The following NRG1 variants were observed in gnomAD, a reference collection of about 807,000 sequenced individuals.
NRG1 encodes neuregulin 1.
In NRG1, 18 loss-of-function variants were observed where a neutral mutation model predicts 63.8. The ratio of observed to expected loss-of-function variants is 0.28; its 90% CI spans 0.19 to 0.42. NRG1 has a LOEUF of 0.42. Ranked by LOEUF, NRG1 falls within the 10% of genes least tolerant of loss-of-function variation. The pLI, the probability that NRG1 is intolerant of heterozygous loss-of-function variation, is 1.00. For missense variants in NRG1, 762 were observed against 814.7 expected, an observed-to-expected ratio of 0.94 and a Z score of 0.79; for synonymous variants, 302 against 301.3, an observed-to-expected ratio of 1.00 and a Z score of -0.02.
chr8:32,558,081 A>G (rs1045583309), intron 1 of NRG1, among the ~76,000 whole-genome samples: 3 of 152,228 alleles, frequency 2.0e-5, no homozygotes, highest in Non-Finnish European at 4.4e-5. Context: ...AAAAGAAGGC[A>G]GAAAAGACAA....
chr8:31,919,361 T>TA (rs570554700), intron 1 of NRG1, among the ~76,000 whole-genome samples: 110 of 150,674 alleles, frequency 7.3e-4, no homozygotes, highest in Middle Eastern at 3.4e-3. Context: ...CCAAATACAA[T>TA]AAAAAAAGCA....
At chr8:31,906,500 A>G (rs1832532925) in intron 1 of NRG1, among the ~76,000 whole-genome samples, 1 of 152,180 alleles carries the variant, frequency 6.6e-6, no homozygotes, top group Non-Finnish European at 1.5e-5. Flanking sequence ...GCAGCCTGCC[A>G]TCACCTCACC....
chr8:31,894,731 T>C (rs1412824905), intron 1 of NRG1, among the ~76,000 whole-genome samples: 2 of 152,036 alleles, frequency 1.3e-5, no homozygotes, highest in East Asian at 3.9e-4. Flanking sequence ...TTTGTATTTT[T>C]AGTAGAGACG....
chr8:32,406,241 T>C (rs1813958772), intron 1 of NRG1, among the ~76,000 whole-genome samples: 1 of 152,302 alleles, frequency 6.6e-6, no homozygotes, highest in Admixed American at 6.5e-5. Flanking sequence ...CATGGGATAA[T>C]TCATCTTGCA....
At chr8:31,879,024 A>T (rs1830143786) in intron 1 of NRG1, among the ~76,000 whole-genome samples, 1 of 152,168 alleles carries the variant, frequency 6.6e-6, no homozygotes, top group Non-Finnish European at 1.5e-5. Flanking sequence ...AAACAAACAA[A>T]AAAAGGAAGT....
intron 1 of NRG1, among the ~76,000 whole-genome samples, chr8:32,132,598 T>C (rs1279408409): frequency 6.6e-6 from 1 of 152,100 alleles, no homozygotes; most frequent in African/African-American, 2.4e-5. Flanking sequence ...CTAAGTCCTG[T>C]CTTGATTCTC....
chr8:31,681,012 G>A (rs1457174364), intron 1 of NRG1, among the ~76,000 whole-genome samples: 1 of 151,846 alleles, frequency 6.6e-6, no homozygotes, highest in African/African-American at 2.4e-5. Flanking sequence ...ACAGACTAGA[G>A]GACCCAGGAA....
At chr8:32,214,534 T>C (rs1280610017) in intron 1 of NRG1, among the ~76,000 whole-genome samples, 1 of 151,774 alleles carries the variant, frequency 6.6e-6, no homozygotes, top group Non-Finnish European at 1.5e-5. Flanking sequence ...TCCCAGATAC[T>C]TGGGAGGCTG....
chr8:31,808,014 G>C (rs1822466857), intron 1 of NRG1, among the ~76,000 whole-genome samples: 1 of 151,038 alleles, frequency 6.6e-6, no homozygotes, highest in Non-Finnish European at 1.5e-5. Context: ...TGAACATTTA[G>C]TTTTTTTCAC....
At chr8:32,084,440 G>A (rs1016217921) in intron 1 of NRG1, among the ~76,000 whole-genome samples, 23 of 152,096 alleles carry the variant, frequency 1.5e-4, no homozygotes, top group African/African-American at 4.8e-4. Flanking sequence ...GGGTTGGACC[G>A]TGAATATTAA....
chr8:31,891,683 G>A (rs927175942), intron 1 of NRG1, among the ~76,000 whole-genome samples: 5 of 152,206 alleles, frequency 3.3e-5, no homozygotes, highest in African/African-American at 4.8e-5. Context: ...AAACCTGTAC[G>A]CTAATGTTGA....
At chr8:32,164,708 A>G (rs913293157) in intron 1 of NRG1, among the ~76,000 whole-genome samples, 8 of 152,236 alleles carry the variant, frequency 5.3e-5, no homozygotes, top group Non-Finnish European at 1.0e-4. Flanking sequence ...TTTAGCAATT[A>G]AAAAAGCACT....
chr8:31,784,600 G>T (rs1278292994), intron 1 of NRG1, among the ~76,000 whole-genome samples: 3 of 152,138 alleles, frequency 2.0e-5, no homozygotes, highest in Non-Finnish European at 4.4e-5. Flanking sequence ...CGTAACAACA[G>T]ATACTAATAA....
chr8:32,528,034 T>C (rs1293286302), intron 1 of NRG1, among the ~76,000 whole-genome samples: 2 of 152,162 alleles, frequency 1.3e-5, no homozygotes, highest in African/African-American at 4.8e-5. Flanking sequence ...TGCTCCAGGA[T>C]GTTTATATTT....
At chr8:32,255,451 A>G (rs1849586125) in intron 1 of NRG1, among the ~76,000 whole-genome samples, 1 of 152,162 alleles carries the variant, frequency 6.6e-6, no homozygotes, top group African/African-American at 2.4e-5. Flanking sequence ...TCACTTATGA[A>G]GCTTAGTTTG....
At chr8:32,647,856 A>G (rs780307098) in intron 5 of NRG1, 2 of 1,613,932 alleles carry the variant, frequency 1.2e-6, no homozygotes, top group Non-Finnish European at 1.7e-6. Flanking sequence ...TGAAGATGGG[A>G]GAACCCCTGG....
chr8:32,041,110 GA>G (rs1819958563), intron 1 of NRG1, among the ~76,000 whole-genome samples: 1 of 152,096 alleles, frequency 6.6e-6, no homozygotes. Flanking sequence ...TCATTATGTA[GA>G]AGCTGACTAT....
intron 1 of NRG1, among the ~76,000 whole-genome samples, chr8:32,336,740 G>A (rs1776935879): frequency 6.6e-6 from 1 of 152,150 alleles, no homozygotes; most frequent in Admixed American, 6.5e-5. Context: ...CTCCTGAGTA[G>A]TTGCAATTAC....
At chr8:31,689,639 G>A (rs970438510) in intron 1 of NRG1, among the ~76,000 whole-genome samples, 8 of 151,920 alleles carry the variant, frequency 5.3e-5, no homozygotes, top group African/African-American at 1.7e-4. Flanking sequence ...AATTTTCTTG[G>A]AGGTTCTTTA....
Sources: gnomAD v4.1 joint callset for allele counts (sites outside exome capture counted in the v4.1 genomes callset) on GRCh38, gnomAD v4.1.1 for gene constraint, MANE v1.5 for transcripts, NCBI Gene and HGNC (gene_info 2026-07-23, HGNC 2026-07-21) for gene names.